TAF4B: variants seen among roughly 807,000 people sequenced by gnomAD.
TAF4B encodes TATA-box binding protein associated factor 4b.
In TAF4B, 38 loss-of-function variants were observed where a neutral mutation model predicts 86.4. The ratio of observed to expected loss-of-function variants is 0.44; its 90% CI spans 0.34 to 0.58. TAF4B has a LOEUF of 0.58. Ranked by LOEUF, TAF4B falls within the 20% of genes least tolerant of loss-of-function variation. The probability of loss-of-function intolerance (pLI) is 0.02; values close to 1 mark genes in which losing one functional copy is unlikely to be tolerated. For missense variants in TAF4B, 988 were observed against 1,027.6 expected (o/e 0.96, Z 0.53); for synonymous variants, 388 against 391.2 (o/e 0.99, Z 0.10).
chr18:26,352,291 T>C (rs372421171), intron 13 of TAF4B, among the ~76,000 whole-genome samples: 2 of 151,942 alleles, frequency 1.3e-5, no homozygotes, highest in African/African-American at 4.8e-5. Flanking sequence ...CAGGTAATGA[T>C]ATAGGTAAGC....
intron 14 of TAF4B, among the ~76,000 whole-genome samples, chr18:26,364,733 T>A (rs2057358650): frequency 7.4e-6 from 1 of 135,044 alleles, no homozygotes; most frequent in African/African-American, 2.5e-5. Flanking sequence ...ATGAAAGTAT[T>A]AAGGAATTTC....
chr18:26,346,803 A>ATATATATATGTGTGTG (rs2057190907), intron 13 of TAF4B, among the ~76,000 whole-genome samples: 3 of 17,906 alleles, frequency 1.7e-4, no homozygotes, highest in Admixed American at 5.2e-4. Context: ...ATATATGTGT[A>ATATATATATGTGTGTG]TATATATATA....
intron 13 of TAF4B, among the ~76,000 whole-genome samples, chr18:26,350,713 G>A (rs1304500181): frequency 6.6e-6 from 1 of 152,134 alleles, no homozygotes; most frequent in African/African-American, 2.4e-5. Context: ...ATGGGCAAAT[G>A]ATCAGAATGG....
intron 13 of TAF4B, chr18:26,348,251 A>G (rs1319065516): frequency 6.6e-6 from 1 of 152,236 alleles, no homozygotes; most frequent in African/African-American, 2.4e-5. Context: ...AAAAGTAGAA[A>G]TCAATAATAA....
chr18:26,272,473 A>AT (rs901830021), intron 3 of TAF4B, among the ~76,000 whole-genome samples: 64 of 149,966 alleles, frequency 4.3e-4, no homozygotes, highest in East Asian at 1.4e-3. Flanking sequence ...TGAAGGACAG[A>AT]TTTTTTTTTT....
intron 1 of TAF4B, among the ~76,000 whole-genome samples, chr18:26,250,655 C>T (rs569001398): frequency 1.2e-4 from 19 of 152,238 alleles, no homozygotes; most frequent in South Asian, 2.1e-4. Context: ...CTGGATTCTA[C>T]GCTAAGTGCC....
rs1475382189 is a variant in TAF4B, at chr18:26,227,028, C to T, written c.95C>T (p.Pro32Leu). The change falls in exon 1 of 15, where the codon CCG becomes CTG. Residue 32 changes from proline to leucine, a missense_variant. By Grantham distance (98) the Pro-to-Leu change is moderately conservative (BLOSUM62 -3). Coordinates refer to ENST00000269142, the MANE Select transcript of TAF4B (RefSeq NM_005640.3). The stretch of plus-strand genomic sequence containing the variant: ...ACCATGGCCCCGGCCGGGGCGCTGC[C>T]GGTGCGGGTGGAGAGCACTCCGGTG... ...TVTMAPAGAL[P>L]VRVESTPVAL... The T allele has an allele frequency of 2.0e-6, 3 of 1,496,530 alleles. No homozygotes were observed. Among genetic ancestry groups the T allele is most frequent in the African/African-American group, 2.9e-5 (2 of 67,856 alleles). 92.7% of individuals were successfully genotyped at this position (1,496,530 alleles called of 1,614,324 possible). A position where few individuals can be genotyped will look rare whatever the true frequency, so the allele number is the denominator to read the frequency against.
chr18:26,231,817 G>A (rs2055675121), intron 1 of TAF4B, among the ~76,000 whole-genome samples: 1 of 152,102 alleles, frequency 6.6e-6, no homozygotes, highest in South Asian at 2.1e-4. Flanking sequence ...ATTGTGAAGA[G>A]CAAAAGAACA....
At chr18:26,288,227 T>C (rs2056549065) in intron 7 of TAF4B, among the ~76,000 whole-genome samples, 1 of 152,220 alleles carries the variant, frequency 6.6e-6, no homozygotes, top group Non-Finnish European at 1.5e-5. Context: ...TAATACTTTA[T>C]AGCTACATAG....
rs571383571 is a variant in TAF4B at position 26,391,555 on chromosome 18, G to A, written c.*1543G>A. ...TAAGAAGAGATCTTTATCCAAAGTT[G>A]TTTTTGTATATTTAAATGCTTACCT... On this transcript the variant is annotated 3_prime_UTR_variant, in exon 15 of 15. Coordinates refer to ENST00000269142, the MANE Select transcript of TAF4B (RefSeq NM_005640.3). The A allele has an allele frequency of 1.3e-5, 2 of 152,016 alleles. No individual in the cohort carries two copies. Among genetic ancestry groups the A allele is most frequent in the African/African-American group, 2.4e-5 (1 of 41,390 alleles). The allele number at this position is 152,016 out of a possible 1,614,324, so 9.4% of individuals were successfully genotyped here.
At position 26,245,373 on chromosome 18, in the gene TAF4B, G is replaced by A. The variant is rs544919212; in HGVS notation, c.343+18097G>A. On this transcript the variant is annotated intron_variant, in intron 1 of 14. Coordinates refer to ENST00000269142, the MANE Select transcript of TAF4B (RefSeq NM_005640.3). ...CTTACAGATGGCACGGACCCAAAGA[G>A]TGAGTGGTAGCAAGGTTTACTGTGA... is the stretch of plus-strand genomic sequence containing the variant. Among the ~76,000 whole-genome samples, 4 of 152,230 alleles carry A rather than the reference G, an allele frequency of 2.6e-5. No individual in the cohort carries two copies. The East Asian group carries it at 5.8e-4, about 22-fold the overall frequency.
At chr18:26,363,370 CAAAAAAAAAAAAAA>C (rs58802058) in intron 14 of TAF4B, among the ~76,000 whole-genome samples, 1 of 35,094 alleles carries the variant, frequency 2.8e-5, no homozygotes, top group Non-Finnish European at 4.7e-5. Flanking sequence ...CTGTCTCTAC[CAAAAAAAAAAAAAA>C]AAAAAAAAAA....
intron 14 of TAF4B, among the ~76,000 whole-genome samples, chr18:26,368,093 C>G (rs2057383255): frequency 6.6e-6 from 1 of 152,040 alleles, no homozygotes; most frequent in Non-Finnish European, 1.5e-5. Context: ...CTAAAATACC[C>G]TATGTGAGAA....
At chr18:26,328,859 G>A (rs138952249) in intron 12 of TAF4B, among the ~76,000 whole-genome samples, 3 of 151,904 alleles carry the variant, frequency 2.0e-5, no homozygotes, top group African/African-American at 2.4e-5. Context: ...AGCTTGATCC[G>A]CCCACCTCAG....
intron 14 of TAF4B, among the ~76,000 whole-genome samples, chr18:26,363,136 A>G (rs2057343686): frequency 6.6e-6 from 1 of 152,112 alleles, no homozygotes; most frequent in Non-Finnish European, 1.5e-5. Flanking sequence ...TATAATGTCA[A>G]TTTGAATTGA....
Position 26,282,058 on chromosome 18 carries a change from A to C in TAF4B, c.970A>C (p.Lys324Gln). ...TCAGCCTCACCTGGTTCCTTTTCTT[A>C]AGGTAGAGTTATGTGTCACTTAGAA... ...SPQPHLVPFL[K>Q]KSVVALRQLL... Residue 324 changes from lysine (K) to glutamine (Q), a missense_variant and splice_region_variant, in exon 6 of 15, where the codon AAG (lysine) becomes CAG (glutamine). Around this residue, in one of 3 missense-constraint regions of TAF4B, gnomAD observed 747 missense variants for 737.9 expected, o/e 1.01. Transcript: ENST00000269142. 6.2e-7 allele frequency: 1 copy of C among 1,607,102 alleles called. No homozygotes were observed. Among genetic ancestry groups the C allele is most frequent in the Non-Finnish European group, 8.5e-7 (1 of 1,174,778 alleles).
At chr18:26,385,238 CTAGTTATTTT>C (rs1351073989) in intron 14 of TAF4B, among the ~76,000 whole-genome samples, 4 of 152,136 alleles carry the variant, frequency 2.6e-5, no homozygotes, top group Non-Finnish European at 5.9e-5. Flanking sequence ...AATTGGATTA[CTAGTTATTTT>C]TGGTTATTTA....
In TAF4B at chr18:26,284,144, T is replaced by C. The variant is rs142145781; in HGVS notation, c.973-1738T>C. ...GCAGCTTTACCTTGCACTTTTATGTTAGTTATCAAGAGAGCTTCTTCCCTT... is the reference window on the plus strand; with the variant it reads ...GCAGCTTTACCTTGCACTTTTATGTCAGTTATCAAGAGAGCTTCTTCCCTT... On this transcript the variant is annotated intron_variant, in intron 6 of 14. Coordinates refer to ENST00000269142, the MANE Select transcript of TAF4B (RefSeq NM_005640.3). 1.8e-3 allele frequency among the ~76,000 whole-genome samples: 268 copies of C among 152,348 alleles called. 1 individual carries two copies. Among genetic ancestry groups the C allele is most frequent in the African/African-American group, 6.3e-3 (260 of 41,576 alleles).
chr18:26,379,375 T>G (rs892343361), intron 14 of TAF4B, among the ~76,000 whole-genome samples: 1 of 152,106 alleles, frequency 6.6e-6, no homozygotes, highest in Admixed American at 6.5e-5. Flanking sequence ...ATTTAGTATT[T>G]GTGTCTGCTG....
Sources: allele counts gnomAD v4.1 joint callset (sites outside exome capture counted in the v4.1 genomes callset), GRCh38; gene constraint gnomAD v4.1.1; regional missense constraint gnomAD v4.1.1; transcripts MANE v1.5; gene names NCBI Gene and HGNC (gene_info 2026-07-23, HGNC 2026-07-21).